Variants in FSTL4 observed in about 807,000 individuals in gnomAD.
FSTL4 encodes follistatin-related protein 4.
In FSTL4, 28 loss-of-function variants were observed where a neutral mutation model predicts 78.2. The observed-to-expected ratio is 0.36, with a 90% CI of 0.27 to 0.49. The LOEUF (loss-of-function observed/expected upper bound fraction) is 0.49, where lower values mean the gene tolerates loss of function less well. Ranked by LOEUF, FSTL4 falls within the 20% of genes least tolerant of loss-of-function variation. FSTL4 has a pLI of 0.98. For synonymous variants in FSTL4, 422 were observed against 440.5 expected, an observed-to-expected ratio of 0.96 and a Z score of 0.53; for missense variants, 922 against 1,084.9, an observed-to-expected ratio of 0.85 and a Z score of 2.11.
At chr5:133,457,962 T>C (rs1010251256) in intron 3 of FSTL4, 3 of 152,180 alleles carry the variant, frequency 2.0e-5, no homozygotes, top group African/African-American at 7.2e-5. Context: ...TAATGTCAAA[T>C]GTCACCAGGC....
intron 6 of FSTL4, among the ~76,000 whole-genome samples, chr5:133,282,971 G>A (rs1753044217): frequency 6.6e-6 from 1 of 152,222 alleles, no homozygotes; most frequent in Admixed American, 6.5e-5. Context: ...CACTTGTTAA[G>A]TTCTGAGAAA....
At chr5:133,534,336 C>T (rs1759310939) in intron 3 of FSTL4, among the ~76,000 whole-genome samples, 1 of 152,330 alleles carries the variant, frequency 6.6e-6, no homozygotes, top group East Asian at 1.9e-4. Context: ...GAGGCCTTCT[C>T]TGCCTTCTAG....
chr5:133,209,364 C>CCTT (rs113586822), intron 14 of FSTL4, among the ~76,000 whole-genome samples: 6 of 152,234 alleles, frequency 3.9e-5, no homozygotes, highest in African/African-American at 1.4e-4. Context: ...GGAGTTAGCT[C>CCTT]CATTTGCAGC....
the FSTL4 span, among the ~76,000 whole-genome samples, chr5:133,670,432 G>C: frequency 6.6e-6 from 1 of 152,224 alleles, no homozygotes; most frequent in Admixed American, 6.5e-5. Context: ...AGAGCCCGGG[G>C]AGTGGAACCA....
chr5:133,452,590 CA>C (rs1169504931), intron 3 of FSTL4, among the ~76,000 whole-genome samples: 113 of 152,394 alleles, frequency 7.4e-4, no homozygotes, highest in African/African-American at 2.5e-3. Flanking sequence ...TTAATCCTCA[CA>C]ACTTCCTTAT....
intron 2 of FSTL4, among the ~76,000 whole-genome samples, chr5:133,585,611 G>T (rs1760511186): frequency 2.3e-4 from 1 of 4,302 alleles, no homozygotes; most frequent in Non-Finnish European, 3.8e-4. Context: ...ACCCAATACA[G>T]GAGCACCCAG....
the FSTL4 span, among the ~76,000 whole-genome samples, chr5:133,664,501 A>G: frequency 6.6e-6 from 1 of 152,162 alleles, no homozygotes; most frequent in African/African-American, 2.4e-5. Flanking sequence ...AAAGCTCTGT[A>G]AACACCTGAC....
chr5:133,582,992 C>T (rs1760464791), intron 2 of FSTL4, among the ~76,000 whole-genome samples: 1 of 152,134 alleles, frequency 6.6e-6, no homozygotes, highest in Non-Finnish European at 1.5e-5. Context: ...ACAGCTCAAC[C>T]AATCTTTAGT....
the FSTL4 span, among the ~76,000 whole-genome samples, chr5:133,778,797 A>T: frequency 2.6e-4 from 40 of 152,254 alleles, no homozygotes; most frequent in African/African-American, 9.6e-4. Flanking sequence ...ACCAGGCCTC[A>T]AAAGGGGCAG....
At chr5:133,315,419 G>C (rs992667933) in intron 5 of FSTL4, among the ~76,000 whole-genome samples, 2 of 152,304 alleles carry the variant, frequency 1.3e-5, no homozygotes, top group South Asian at 2.1e-4. Flanking sequence ...TAGGTCAAGG[G>C]CCTAGCTCAA....
chr5:133,638,521 C>T, the FSTL4 span, among the ~76,000 whole-genome samples: 1 of 152,170 alleles, frequency 6.6e-6, no homozygotes, highest in East Asian at 1.9e-4. Context: ...TCCAGGCATG[C>T]TCCTGCCTAA....
intron 2 of FSTL4, among the ~76,000 whole-genome samples, chr5:133,572,596 AG>A (rs1760183376): frequency 6.6e-6 from 1 of 152,230 alleles, no homozygotes; most frequent in Admixed American, 6.5e-5. Context: ...TAGCTATGCA[AG>A]AAGAAATAAT....
chr5:133,754,337 C>T, the FSTL4 span, among the ~76,000 whole-genome samples: 8,528 of 152,198 alleles, frequency 0.056, 307 homozygotes, highest in East Asian at 0.12. Flanking sequence ...CCACACTGCA[C>T]ACTTTGTTAG....
intron 3 of FSTL4, among the ~76,000 whole-genome samples, chr5:133,438,172 G>A (rs546888369): frequency 1.5e-4 from 23 of 152,304 alleles, no homozygotes; most frequent in African/African-American, 4.8e-4. Context: ...CTGAACTCTT[G>A]CATATCTGAG....
the FSTL4 span, among the ~76,000 whole-genome samples, chr5:133,815,527 G>A: frequency 6.6e-6 from 1 of 152,206 alleles, no homozygotes. Flanking sequence ...CCTCAGAAAT[G>A]TAAGATGTGG....
At chr5:133,416,347 C>T (rs1756581385) in intron 3 of FSTL4, among the ~76,000 whole-genome samples, 1 of 152,164 alleles carries the variant, frequency 6.6e-6, no homozygotes, top group Non-Finnish European at 1.5e-5. Context: ...AGAAACTCTT[C>T]TTTACAGTAA....
the FSTL4 span, among the ~76,000 whole-genome samples, chr5:133,729,260 C>T: frequency 7.0e-6 from 1 of 143,040 alleles, no homozygotes; most frequent in Admixed American, 6.9e-5. Flanking sequence ...CACACACACA[C>T]TCATACCCCT....
intron 6 of FSTL4, among the ~76,000 whole-genome samples, chr5:133,305,378 G>A (rs1753632860): frequency 6.6e-6 from 1 of 152,158 alleles, no homozygotes; most frequent in Non-Finnish European, 1.5e-5. Flanking sequence ...TTTCTACCCT[G>A]GGTATTGCCT....
chr5:133,450,755 C>G (rs1757367088), intron 3 of FSTL4, among the ~76,000 whole-genome samples: 1 of 152,202 alleles, frequency 6.6e-6, no homozygotes, highest in Non-Finnish European at 1.5e-5. Flanking sequence ...CTTGGTGCCA[C>G]AAGCAGCTGA....
Sources: allele counts gnomAD v4.1 joint callset (sites outside exome capture counted in the v4.1 genomes callset), GRCh38; gene constraint gnomAD v4.1.1; transcripts MANE v1.5; gene names NCBI Gene and HGNC (gene_info 2026-07-23, HGNC 2026-07-21).